The following PDZRN4 variants were observed in gnomAD, a reference collection of about 807,000 sequenced individuals.
PDZRN4 encodes the protein PDZ domain-containing RING finger protein 4.
Under a neutral mutation model 99.0 loss-of-function variants are expected in PDZRN4, and 70 were observed. That is an observed-to-expected ratio of 0.71 (90% CI 0.58 to 0.86). The LOEUF (loss-of-function observed/expected upper bound fraction) is 0.86. Among genes scored for constraint, PDZRN4 ranks in the 40% least tolerant of loss-of-function variants. The pLI, the probability that PDZRN4 is intolerant of heterozygous loss-of-function variation, is 0.00. For missense variants in PDZRN4, 1,474 were observed against 1,331.2 expected (o/e 1.11, Z -1.67); for synonymous variants, 551 against 501.6 (o/e 1.10, Z -1.32).
intron 3 of PDZRN4, among the ~76,000 whole-genome samples, chr12:41,207,950 T>A (rs1165340127): frequency 6.7e-5 from 8 of 118,592 alleles, no homozygotes; most frequent in African/African-American, 2.0e-4. Flanking sequence ...TGTTTACAGT[T>A]TACAAAAAAA....
intron 3 of PDZRN4, among the ~76,000 whole-genome samples, chr12:41,295,195 C>T (rs1951483710): frequency 6.6e-6 from 1 of 152,080 alleles, no homozygotes; most frequent in African/African-American, 2.4e-5. Context: ...CTTCTACTCA[C>T]CCTTTGTGAA....
intron 3 of PDZRN4, among the ~76,000 whole-genome samples, chr12:41,212,914 T>C (rs897251151): frequency 1.3e-5 from 2 of 152,068 alleles, no homozygotes; most frequent in Non-Finnish European, 2.9e-5. Flanking sequence ...TAGTGTATTA[T>C]AGGAATTGAA....
chr12:41,272,435 CTT>C (rs1193436312), intron 3 of PDZRN4, among the ~76,000 whole-genome samples: 1 of 151,990 alleles, frequency 6.6e-6, no homozygotes, highest in East Asian at 1.9e-4. Context: ...ACCTGTTTGA[CTT>C]ATTAATTTTA....
intron 3 of PDZRN4, among the ~76,000 whole-genome samples, chr12:41,294,887 T>C (rs949246418): frequency 1.3e-5 from 2 of 151,788 alleles, no homozygotes; most frequent in Admixed American, 6.6e-5. Context: ...AATTAGAAAA[T>C]GGGGGAAATT....
At chr12:41,196,531 C>T (rs1490031818) in intron 3 of PDZRN4, among the ~76,000 whole-genome samples, 2 of 152,002 alleles carry the variant, frequency 1.3e-5, no homozygotes, top group Admixed American at 6.6e-5. Context: ...ATAAATTGCT[C>T]TTGCTTAGTT....
At chr12:41,272,446 T>A (rs998280063) in intron 3 of PDZRN4, among the ~76,000 whole-genome samples, 5 of 152,222 alleles carry the variant, frequency 3.3e-5, no homozygotes, top group Non-Finnish European at 5.9e-5. Context: ...TTATTAATTT[T>A]AAAGCATCAT....
chr12:41,396,705 C>A (rs889351935), intron 3 of PDZRN4, among the ~76,000 whole-genome samples: 9 of 152,264 alleles, frequency 5.9e-5, no homozygotes, highest in African/African-American at 2.2e-4. Context: ...TGTGATTAAA[C>A]TACATAGTTC....
At chr12:41,463,896 GC>G (rs2120542947) in intron 3 of PDZRN4, among the ~76,000 whole-genome samples, 1 of 152,270 alleles carries the variant, frequency 6.6e-6, no homozygotes, top group Non-Finnish European at 1.5e-5. Context: ...ATATGGATTA[GC>G]CATTTCCATC....
chr12:41,286,357 T>TG (rs1474034838), intron 3 of PDZRN4, among the ~76,000 whole-genome samples: 121 of 102,168 alleles, frequency 1.2e-3, no homozygotes, highest in Admixed American at 7.3e-3. Context: ...TTTTTTTTTT[T>TG]TTGTTGTTGT....
chr12:41,393,833 C>T (rs895931843), intron 3 of PDZRN4, among the ~76,000 whole-genome samples: 3 of 152,120 alleles, frequency 2.0e-5, no homozygotes, highest in East Asian at 1.9e-4. Context: ...GGGACCTTGT[C>T]GGGATGGTTG....
At chr12:41,475,283 A>AT (rs886278666) in intron 3 of PDZRN4, among the ~76,000 whole-genome samples, 1 of 152,192 alleles carries the variant, frequency 6.6e-6, no homozygotes, top group Non-Finnish European at 1.5e-5. Flanking sequence ...ACCAGGTATC[A>AT]TATTTCTCTT....
chr12:41,410,034 A>T (rs964847108), intron 3 of PDZRN4: 1 of 152,204 alleles, frequency 6.6e-6, no homozygotes, highest in Non-Finnish European at 1.5e-5. Flanking sequence ...TTCAAAGAAG[A>T]TCACATTCTG....
intron 3 of PDZRN4, among the ~76,000 whole-genome samples, chr12:41,502,637 T>G (rs975411806): frequency 4.6e-5 from 7 of 152,162 alleles, no homozygotes; most frequent in Non-Finnish European, 8.8e-5. Context: ...GTATCTACCC[T>G]TAACTACCTA....
intron 3 of PDZRN4, among the ~76,000 whole-genome samples, chr12:41,497,979 AC>A (rs1046728290): frequency 2.6e-5 from 4 of 151,792 alleles, no homozygotes; most frequent in African/African-American, 9.7e-5. Context: ...ATATTATGAA[AC>A]TTTTTTTTCA....
intron 3 of PDZRN4, among the ~76,000 whole-genome samples, chr12:41,314,299 C>A (rs1951625145): frequency 6.6e-6 from 1 of 152,150 alleles, no homozygotes; most frequent in South Asian, 2.1e-4. Context: ...GATCCTCCAA[C>A]CCTATATTTT....
intron 3 of PDZRN4, among the ~76,000 whole-genome samples, chr12:41,426,561 C>T (rs913948079): frequency 5.3e-5 from 8 of 152,166 alleles, no homozygotes; most frequent in Admixed American, 5.2e-4. Flanking sequence ...CCAGCTTCTC[C>T]ATTCAATTAA....
At chr12:41,395,625 T>C (rs939010651) in intron 3 of PDZRN4, among the ~76,000 whole-genome samples, 2 of 152,184 alleles carry the variant, frequency 1.3e-5, no homozygotes, top group Admixed American at 1.3e-4. Context: ...TCTTTTAAAA[T>C]TTGGGTCTTT....
At chr12:41,219,887 T>C (rs1187031331) in intron 3 of PDZRN4, among the ~76,000 whole-genome samples, 2 of 152,068 alleles carry the variant, frequency 1.3e-5, no homozygotes, top group Non-Finnish European at 2.9e-5. Flanking sequence ...ACAACATTAA[T>C]TGGGAAAATT....
At chr12:41,399,184 A>T (rs529309076) in intron 3 of PDZRN4, among the ~76,000 whole-genome samples, 34 of 152,280 alleles carry the variant, frequency 2.2e-4, no homozygotes, top group Non-Finnish European at 4.6e-4. Flanking sequence ...ATTTTTAATT[A>T]TACAAATAAT....
Sources: allele counts gnomAD v4.1 joint callset (sites outside exome capture counted in the v4.1 genomes callset), GRCh38; gene constraint gnomAD v4.1.1; transcripts MANE v1.5; gene names NCBI Gene and HGNC (gene_info 2026-07-23, HGNC 2026-07-21).